Variants in BCOR observed in about 807,000 individuals in gnomAD.
BCOR encodes the protein BCL-6 corepressor.
A neutral mutation model predicts 86.7 loss-of-function variants in BCOR; 10 were observed. That is an observed-to-expected ratio of 0.12 (90% CI 0.07 to 0.20). The LOEUF (loss-of-function observed/expected upper bound fraction) is 0.20, where lower values mean the gene tolerates loss of function less well. BCOR is among the 10% of genes least tolerant of loss of function. The pLI is 1.00. For missense variants in BCOR, 1,259 were observed against 1,452.1 expected (o/e 0.87, Z 2.16); for synonymous variants, 611 against 609.0 (o/e 1.00, Z -0.05).
At chrX:40,059,175 G>A (rs767895334) in intron 10 of BCOR, among the ~76,000 whole-genome samples, 2 of 112,111 alleles carry the variant, frequency 1.8e-5, no homozygotes, top group South Asian at 7.5e-4. Flanking sequence ...TGGCAGGCAA[G>A]ACAACAGTAA....
At chrX:40,155,883 G>T (rs1315786032) in intron 1 of BCOR, among the ~76,000 whole-genome samples, 4 of 112,660 alleles carry the variant, frequency 3.6e-5, no homozygotes, top group African/African-American at 9.7e-5. Context: ...GGAGGCGGTC[G>T]CCCAGCACAC....
chrX:40,063,640 T>C lies in BCOR; in HGVS notation c.3815A>G (p.Glu1272Gly). The C allele has an allele frequency of 8.3e-7, 1 of 1,211,699 alleles. No homozygotes were observed. The highest frequency in any genetic ancestry group is 1.1e-6 in the Non-Finnish European group (1 of 895,363). Reference sequence around the variant, plus strand: ...ATTGTCACTGGGTTTAAGAGACTCTTCCGACCAGCTTCTGTTGCCTTTGGC... The same window carrying C: ...ATTGTCACTGGGTTTAAGAGACTCTCCCGACCAGCTTCTGTTGCCTTTGGC... ...AEAKGNRSWS[E>G]ESLKPSDNEQ... Residue 1272 changes from glutamate to glycine, a missense_variant, in exon 8 of 15, where the codon GAA becomes GGA. By Grantham distance (98) the Glu-to-Gly change is moderately conservative (BLOSUM62 -2). This residue lies in a region of BCOR where 305 missense variants were observed against 286.1 expected (regional missense o/e 1.07). Coordinates refer to ENST00000378444, the MANE Select transcript of BCOR (RefSeq NM_001123385.2).
Position 40,072,892 on chromosome X carries a change from G to A in BCOR, c.2454C>T (p.Asp818=), listed in dbSNP as rs766399439. Residue 818 remains aspartate, a synonymous_variant, in exon 4 of 15, where the codon GAC becomes GAT. Transcript: ENST00000378444. Reference sequence around the variant, plus strand: ...CAAAGCTGGGTTTGGACACGTTTGTGTCAGTTTTAGCATCTGGTTCTTCTC... The same window carrying A: ...CAAAGCTGGGTTTGGACACGTTTGTATCAGTTTTAGCATCTGGTTCTTCTC... ...LLREEPDAKT[D]TNVSKPSFAA... The A allele has an allele frequency of 8.3e-7, 1 of 1,211,600 alleles. No individual in the cohort carries two copies. Among genetic ancestry groups the A allele is most frequent in the Admixed American group, 2.2e-5 (1 of 46,038 alleles).
At chrX:40,130,666 G>A (rs1937593174) in intron 1 of BCOR, among the ~76,000 whole-genome samples, 1 of 112,184 alleles carries the variant, frequency 8.9e-6, no homozygotes. Context: ...ACCAGAGAGA[G>A]CAGGTTCCTC....
intron 14 of BCOR, among the ~76,000 whole-genome samples, chrX:40,052,834 G>C (rs1934393215): frequency 9.0e-6 from 1 of 111,394 alleles, no homozygotes; most frequent in East Asian, 2.8e-4. Flanking sequence ...AAAGTGCTGG[G>C]ATTACGGATG....
chrX:40,116,934 C>T (rs2147857145), intron 1 of BCOR, among the ~76,000 whole-genome samples: 1 of 112,309 alleles, frequency 8.9e-6, no homozygotes, highest in African/African-American at 3.2e-5. Flanking sequence ...CTAACCTGTC[C>T]TGTGACAAAG....
Position 40,076,516 on chromosome X carries a change from C to G in BCOR, c.103G>C (p.Asp35His). ...ASEDRKILVNDGDASKARLEL... is the reference protein window; with the variant it reads ...ASEDRKILVNHGDASKARLEL... The stretch of plus-strand genomic sequence containing the variant: ...AGTCTGGCTTTTGAAGCGTCACCAT[C>G]ATTTACAAGGATTTTCCTATTTAAA... Residue 35 changes from aspartate (D) to histidine (H), a missense_variant, in exon 3 of 15, where the codon GAT becomes CAT. This residue lies in a region of BCOR where 174 missense variants were observed against 189.3 expected (regional missense o/e 0.92). Transcript: ENST00000378444. 1 of 1,201,252 alleles carries G rather than the reference C, an allele frequency of 8.3e-7. No individual in the cohort carries two copies. Among genetic ancestry groups the G allele is most frequent in the East Asian group, 3.0e-5 (1 of 33,689 alleles).
intron 1 of BCOR, among the ~76,000 whole-genome samples, chrX:40,163,596 C>G (rs1225220199): frequency 1.1e-5 from 1 of 90,676 alleles, no homozygotes; most frequent in Non-Finnish European, 2.2e-5. Flanking sequence ...CCACCCCCAC[C>G]CCACCATGGC....
intron 1 of BCOR, among the ~76,000 whole-genome samples, chrX:40,146,202 G>C (rs1036915134): frequency 3.6e-5 from 4 of 112,180 alleles, no homozygotes; most frequent in Non-Finnish European, 7.5e-5. Context: ...GATCCATCTC[G>C]TGGGCGCGGA....
chrX:40,169,991 T>A (rs1341948268), intron 1 of BCOR, among the ~76,000 whole-genome samples: 5 of 112,189 alleles, frequency 4.5e-5, no homozygotes, highest in Non-Finnish European at 9.4e-5. Flanking sequence ...TGGGCCTCCA[T>A]CCCCAGCGCG....
intron 1 of BCOR, among the ~76,000 whole-genome samples, chrX:40,116,261 G>C (rs765169804): frequency 8.9e-6 from 1 of 111,932 alleles, no homozygotes; most frequent in African/African-American, 3.2e-5. Flanking sequence ...GCTTTGGGAG[G>C]CCGAGGCGGG....
intron 1 of BCOR, among the ~76,000 whole-genome samples, chrX:40,156,206 A>G (rs1264184707): frequency 2.7e-5 from 3 of 111,896 alleles, no homozygotes; most frequent in Non-Finnish European, 1.9e-5. Context: ...AAGGGTAGGG[A>G]CTCCTAGCGT....
chrX:40,072,337 G>A lies in BCOR; in HGVS notation c.2997+12C>T. 1 of 1,202,310 alleles carries A rather than the reference G, an allele frequency of 8.3e-7. No homozygotes were observed. Among genetic ancestry groups the A allele is most frequent in the Non-Finnish European group, 1.1e-6 (1 of 889,829 alleles). ...CTGGTAAAGTAACTGAAATTCAGGT[G>A]GGGGGGCTCACCTGCAATGCCCGTT... is the stretch of plus-strand genomic sequence containing the variant. On this transcript the variant is annotated intron_variant, in intron 4 of 14. Transcript: ENST00000378444.
chrX:40,100,570 A>G (rs757719739), upstream of BCOR, among the ~76,000 whole-genome samples: 19 of 111,449 alleles, frequency 1.7e-4, 1 homozygote, highest in South Asian at 3.9e-3. Flanking sequence ...CTGTTTGTCT[A>G]ACTTTAAAAG....
At chrX:40,147,622 C>T (rs769599745) in intron 1 of BCOR, among the ~76,000 whole-genome samples, 2 of 113,155 alleles carry the variant, frequency 1.8e-5, no homozygotes, top group Admixed American at 9.3e-5. Context: ...AGGCAGAGCG[C>T]GACCCGCCGA....
intron 1 of BCOR, among the ~76,000 whole-genome samples, chrX:40,095,537 C>T (rs1019873832): frequency 4.5e-5 from 5 of 110,784 alleles, no homozygotes; most frequent in African/African-American, 1.6e-4. Context: ...AAGACTACCC[C>T]TAGAACCAAA....
At chrX:40,156,933 G>A (rs1938309036) in intron 1 of BCOR, among the ~76,000 whole-genome samples, 1 of 113,818 alleles carries the variant, frequency 8.8e-6, no homozygotes, top group Admixed American at 9.2e-5. Flanking sequence ...TCCCGCGAGG[G>A]GCATCGGGAC....
intron 1 of BCOR, among the ~76,000 whole-genome samples, chrX:40,157,513 CA>C (rs1938322400): frequency 8.9e-6 from 1 of 112,326 alleles, no homozygotes; most frequent in Non-Finnish European, 1.9e-5. Flanking sequence ...ACTATTTCAC[CA>C]AAACAAAACC....
At chrX:40,155,461 G>C (rs771306381) in intron 1 of BCOR, among the ~76,000 whole-genome samples, 3 of 111,319 alleles carry the variant, frequency 2.7e-5, no homozygotes, top group East Asian at 5.7e-4. Flanking sequence ...AAGCAGGAAG[G>C]GGGTGGGGAG....
Sources: gnomAD v4.1 joint callset for allele counts (sites outside exome capture counted in the v4.1 genomes callset) on GRCh38, gnomAD v4.1.1 for gene constraint, gnomAD v4.1.1 regional missense constraint, MANE v1.5 for transcripts, NCBI Gene and HGNC (gene_info 2026-07-23, HGNC 2026-07-21) for gene names.